The following CCDC126 variants were observed in gnomAD, a reference collection of about 807,000 sequenced individuals.
CCDC126 encodes the protein coiled-coil domain-containing protein 126.
In CCDC126, 5 loss-of-function variants were observed where a neutral mutation model predicts 11.7. That is an observed-to-expected ratio of 0.43 (90% CI 0.22 to 0.90). CCDC126 has a LOEUF of 0.90. CCDC126 is among the 40% of genes least tolerant of loss of function. CCDC126 has a pLI of 0.27. For missense variants in CCDC126, 150 were observed against 163.1 expected (o/e 0.92, Z 0.44); for synonymous variants, 60 against 61.9 (o/e 0.97, Z 0.14).
At position 23,597,434 on chromosome 7, in the gene CCDC126, G is replaced by C. The variant is rs1219003496; in HGVS notation, c.-402G>C. 6.6e-6 allele frequency: 1 copy of C among 152,354 alleles called. No individual in the cohort carries two copies. Among genetic ancestry groups the C allele is most frequent in the African/African-American group, 2.4e-5 (1 of 41,472 alleles). 9.4% of individuals were successfully genotyped at this position (152,354 alleles called of 1,614,324 possible). On this transcript the variant is annotated 5_prime_UTR_variant, in exon 1 of 4. Coordinates refer to ENST00000307471, the MANE Select transcript of CCDC126 (RefSeq NM_138771.4). ...GACGAGCGGAGTAAAATCTCCACAA[G>C]CTGGGAACAAACCTCGTCCCAACTC...
intron 2 of CCDC126, among the ~76,000 whole-genome samples, chr7:23,603,915 C>G (rs1364633427): frequency 1.3e-5 from 2 of 152,072 alleles, no homozygotes; most frequent in Non-Finnish European, 2.9e-5. Flanking sequence ...ATCAGGGAGA[C>G]ATGGCTTACA....
At chr7:23,620,271 A>T (rs1443333746) in intron 3 of CCDC126, among the ~76,000 whole-genome samples, 1 of 152,174 alleles carries the variant, frequency 6.6e-6, no homozygotes, top group Non-Finnish European at 1.5e-5. Context: ...AATGATCGCC[A>T]TTCTAACTGG....
chr7:23,639,656 G>A (rs1391577968), intron 3 of CCDC126, among the ~76,000 whole-genome samples: 1 of 152,130 alleles, frequency 6.6e-6, no homozygotes, highest in East Asian at 1.9e-4. Flanking sequence ...ATGTTGAGGT[G>A]TTCATGATGA....
intron 3 of CCDC126, among the ~76,000 whole-genome samples, chr7:23,630,718 CAAAAAAAAAA>C (rs775279967): frequency 7.8e-5 from 2 of 25,526 alleles, no homozygotes; most frequent in East Asian, 1.7e-3. Context: ...GACCCTATCT[CAAAAAAAAAA>C]AAAAAAAAAA....
chr7:23,605,397 GC>G, intron 2 of CCDC126, among the ~76,000 whole-genome samples: 1 of 106,152 alleles, frequency 9.4e-6, no homozygotes, highest in Admixed American at 1.1e-4. Flanking sequence ...AATGTGATAT[GC>G]TTGTGTGTGT....
intron 3 of CCDC126, among the ~76,000 whole-genome samples, chr7:23,635,096 C>A (rs1783186491): frequency 6.6e-6 from 1 of 152,262 alleles, no homozygotes; most frequent in East Asian, 1.9e-4. Flanking sequence ...GATCTTCTCC[C>A]AGAATAAGGA....
chr7:23,624,589 C>T (rs1330387484), intron 3 of CCDC126, among the ~76,000 whole-genome samples: 1 of 152,156 alleles, frequency 6.6e-6, no homozygotes, highest in Non-Finnish European at 1.5e-5. Context: ...TATATGGTGT[C>T]TGTTATAATA....
At chr7:23,607,995 A>T (rs1366514501) in intron 2 of CCDC126, among the ~76,000 whole-genome samples, 1 of 152,248 alleles carries the variant, frequency 6.6e-6, no homozygotes, top group African/African-American at 2.4e-5. Context: ...ACAGGAATTT[A>T]TGCTGAGCAG....
rs796618650 is a variant in CCDC126 at position 23,625,003 on chromosome 7, G to A, written c.238+13450G>A. Reference sequence around the variant, plus strand: ...GACTACAGGTGTGCTCCACCCTGCCGGGCTAATTTTTTGTTGTTGTTGTTG... The same window carrying A: ...GACTACAGGTGTGCTCCACCCTGCCAGGCTAATTTTTTGTTGTTGTTGTTG... On this transcript the variant is annotated intron_variant, in intron 3 of 3. Transcript: ENST00000307471. 3.3e-5 allele frequency among the ~76,000 whole-genome samples: 5 copies of A among 151,968 alleles called. No homozygotes were observed. In the South Asian group the frequency reaches 8.3e-4, roughly 25 times the overall value.
chr7:23,637,935 C>T (rs1584219484), intron 3 of CCDC126, among the ~76,000 whole-genome samples: 1 of 125,450 alleles, frequency 8.0e-6, no homozygotes, highest in South Asian at 3.0e-4. Context: ...ACCCCTCTGC[C>T]CGGCCAGCCG....
At chr7:23,607,160 T>G (rs1782637544) in intron 2 of CCDC126, among the ~76,000 whole-genome samples, 1 of 152,018 alleles carries the variant, frequency 6.6e-6, no homozygotes, top group African/African-American at 2.4e-5. Flanking sequence ...AAGTTTTGTG[T>G]TTTTTTTAAG....
chr7:23,629,383 G>A (rs1783068114), intron 3 of CCDC126, among the ~76,000 whole-genome samples: 1 of 152,084 alleles, frequency 6.6e-6, no homozygotes, highest in Non-Finnish European at 1.5e-5. Context: ...CAAATCTGCC[G>A]GCCCCTTGAT....
In CCDC126 at chr7:23,644,276, T is replaced by A. The variant is rs943205843; in HGVS notation, c.*1161T>A. Reference sequence around the variant, plus strand: ...CTGTATATAGCACAGGGAACCCTAATCTTGGGTAATTCTAGTATAAAACAA... The same window carrying A: ...CTGTATATAGCACAGGGAACCCTAAACTTGGGTAATTCTAGTATAAAACAA... On this transcript the variant is annotated 3_prime_UTR_variant, in exon 4 of 4. Coordinates refer to ENST00000307471, the MANE Select transcript of CCDC126 (RefSeq NM_138771.4). 2 of 152,534 alleles carry A rather than the reference T, an allele frequency of 1.3e-5. No homozygotes were observed. The highest frequency in any genetic ancestry group is 2.9e-5 in the Non-Finnish European group (2 of 67,946). The allele number at this position is 152,534 out of a possible 1,614,324, so 9.4% of individuals were successfully genotyped here.
chr7:23,622,742 T>C (rs1782937255), intron 3 of CCDC126: 7 of 519,422 alleles, frequency 1.3e-5, no homozygotes, highest in Non-Finnish European at 2.7e-5. Context: ...CCCTTAAGAT[T>C]CCTGGAGTTC....
chr7:23,642,999 A>G lies in CCDC126; in HGVS notation c.307A>G (p.Lys103Glu). 1 of 1,614,204 alleles carries G rather than the reference A, an allele frequency of 6.2e-7. No individual in the cohort carries two copies. The highest frequency in any genetic ancestry group is 8.5e-7 in the Non-Finnish European group (1 of 1,180,014). Reference protein sequence around the residue: ...ILQRLVKLENKVDYIVVNGSA... With the variant: ...ILQRLVKLENEVDYIVVNGSA... ...GCAACGATTGGTGAAGCTGGAGAACAAAGTTGACTATATTGTTGTGAATGG... is the reference window on the plus strand; with the variant it reads ...GCAACGATTGGTGAAGCTGGAGAACGAAGTTGACTATATTGTTGTGAATGG... Residue 103 changes from lysine to glutamate, a missense_variant, in exon 4 of 4, where the codon AAA becomes GAA. Transcript: ENST00000307471.
At chr7:23,620,681 A>G (rs1189460353) in intron 3 of CCDC126, among the ~76,000 whole-genome samples, 2 of 152,124 alleles carry the variant, frequency 1.3e-5, no homozygotes, top group East Asian at 3.8e-4. Flanking sequence ...GGTATTGCCT[A>G]GGTTTTCTTC....
chr7:23,615,972 AT>A (rs1488536345), intron 3 of CCDC126, among the ~76,000 whole-genome samples: 1 of 152,242 alleles, frequency 6.6e-6, no homozygotes, highest in African/African-American at 2.4e-5. Context: ...TGTTAGAAAG[AT>A]GGCACCAATA....
intron 3 of CCDC126, among the ~76,000 whole-genome samples, chr7:23,617,348 CAAAAAAAAAAAAAAAAAA>C (rs35391703): frequency 5.5e-5 from 2 of 36,238 alleles, no homozygotes; most frequent in East Asian, 1.4e-3. Context: ...ATGCTGTCTC[CAAAAAAAAAAAAAAAAAA>C]AAAAAAAAGA....
At chr7:23,611,998 T>C (rs1029502801) in intron 3 of CCDC126, among the ~76,000 whole-genome samples, 2 of 151,856 alleles carry the variant, frequency 1.3e-5, no homozygotes, top group Non-Finnish European at 2.9e-5. Flanking sequence ...AAAAACAAAT[T>C]AGCCAGACAT....
Sources: gnomAD v4.1 joint callset for allele counts (sites outside exome capture counted in the v4.1 genomes callset) on GRCh38, gnomAD v4.1.1 for gene constraint, MANE v1.5 for transcripts, NCBI Gene and HGNC (gene_info 2026-07-23, HGNC 2026-07-21) for gene names.